PLCL2: variants seen among roughly 807,000 people sequenced by gnomAD.
PLCL2 encodes the protein inactive phospholipase C-like protein 2.
In PLCL2, 4 loss-of-function variants were observed where a neutral mutation model predicts 79.6. That is an observed-to-expected ratio of 0.05 (90% CI 0.02 to 0.11). The LOEUF is 0.11. PLCL2 is among the 10% of genes least tolerant of loss of function. The pLI is 1.00. For missense variants in PLCL2, 895 were observed against 1,291.0 expected, an observed-to-expected ratio of 0.69 and a Z score of 4.70; for synonymous variants, 484 against 457.7, an observed-to-expected ratio of 1.06 and a Z score of -0.73.
chr3:17,028,471 CTTTTTTTTTTCT>C (rs2064542601), intron 3 of PLCL2, among the ~76,000 whole-genome samples: 1 of 144,994 alleles, frequency 6.9e-6, no homozygotes, highest in Non-Finnish European at 1.5e-5. Flanking sequence ...TAGCTTGATC[CTTTTTTTTTTCT>C]TTTTTTTTTT....
At chr3:16,964,599 T>A (rs903734335) in intron 1 of PLCL2, among the ~76,000 whole-genome samples, 2 of 152,294 alleles carry the variant, frequency 1.3e-5, no homozygotes, top group Admixed American at 6.5e-5. Flanking sequence ...CCCCACACTG[T>A]CTTCCACAAT....
chr3:16,981,627 G>T (rs1412225912), intron 1 of PLCL2, among the ~76,000 whole-genome samples: 1 of 152,212 alleles, frequency 6.6e-6, no homozygotes, highest in Non-Finnish European at 1.5e-5. Flanking sequence ...AACTGTATTT[G>T]AAGATTAATT....
intron 1 of PLCL2, among the ~76,000 whole-genome samples, chr3:17,003,740 A>T (rs2064232518): frequency 1.3e-5 from 2 of 152,150 alleles, no homozygotes; most frequent in African/African-American, 4.8e-5. Context: ...TCTACTGGTC[A>T]TAGCAGAGCT....
intron 5 of PLCL2, among the ~76,000 whole-genome samples, chr3:17,089,498 T>C (rs2065252829): frequency 1.3e-5 from 2 of 152,150 alleles, no homozygotes; most frequent in South Asian, 4.1e-4. Context: ...CCCATGCAGA[T>C]CTATAAATAG....
chr3:17,025,640 C>G (rs2064510142), intron 3 of PLCL2, among the ~76,000 whole-genome samples: 1 of 152,156 alleles, frequency 6.6e-6, no homozygotes, highest in Admixed American at 6.5e-5. Context: ...CACCTTCTGG[C>G]AGTAAGGTGT....
chr3:16,897,833 A>G (rs1285659385), intron 1 of PLCL2, among the ~76,000 whole-genome samples: 1 of 152,248 alleles, frequency 6.6e-6, no homozygotes. Context: ...CTCCTGAGGC[A>G]TCTATAAAAC....
intron 1 of PLCL2, among the ~76,000 whole-genome samples, chr3:16,968,028 C>T (rs929047853): frequency 2.6e-5 from 4 of 151,962 alleles, no homozygotes; most frequent in Non-Finnish European, 4.4e-5. Context: ...GAGTCCTTTC[C>T]CTATTGCTTG....
intron 4 of PLCL2, 72 bp downstream of exon 4, chr3:17,043,021 AT>A: frequency 2.1e-6 from 2 of 941,990 alleles, no homozygotes; most frequent in Non-Finnish European, 3.5e-6. Flanking sequence ...AAACTATTTC[AT>A]TTTTTGGATG....
chr3:16,897,741 G>T (rs1286033119), intron 1 of PLCL2, among the ~76,000 whole-genome samples: 3 of 152,206 alleles, frequency 2.0e-5, no homozygotes, highest in Non-Finnish European at 4.4e-5. Context: ...CATGACCTTT[G>T]CGTGAATGTG....
chr3:16,888,629 A>T lies in PLCL2; in HGVS notation c.327+3263A>T, dbSNP rs967561963. 2.0e-5 allele frequency among the ~76,000 whole-genome samples: 3 copies of T among 152,220 alleles called. No individual in the cohort carries two copies. In the East Asian group the frequency reaches 5.8e-4, roughly 29 times the overall value. Reference sequence around the variant, plus strand: ...TTTCCATAATTCATTTCATCACTCTATTCAATATAATCTATGCTTTATTTT... The same window carrying T: ...TTTCCATAATTCATTTCATCACTCTTTTCAATATAATCTATGCTTTATTTT... On this transcript the variant is annotated intron_variant, in intron 1 of 5. Transcript: ENST00000615277.
chr3:17,077,626 CTG>C (rs1351116803), intron 5 of PLCL2, among the ~76,000 whole-genome samples: 6 of 152,182 alleles, frequency 3.9e-5, no homozygotes, highest in African/African-American at 1.4e-4. Flanking sequence ...GTAATTTTCA[CTG>C]TGTCAATTGA....
chr3:17,023,020 A>G (rs927797990), intron 3 of PLCL2, among the ~76,000 whole-genome samples: 2 of 152,016 alleles, frequency 1.3e-5, no homozygotes, highest in African/African-American at 4.8e-5. Flanking sequence ...TTGCTTGGAG[A>G]GGGTGTGGTT....
chr3:17,011,836 A>T lies in PLCL2; in HGVS notation c.2490A>T (p.Val830=). 6.2e-7 allele frequency: 1 copy of T among 1,614,238 alleles called. No individual in the cohort carries two copies. The highest frequency in any genetic ancestry group is 8.5e-7 in the Non-Finnish European group (1 of 1,180,028). ...CTGAACTGGCCATGGTGCGCTTTGT[A>T]GTGCTGGATGATGACTACATTGGGG... The part of the protein sequence containing the change: ...NLPELAMVRF[V]VLDDDYIGDE... Residue 830 remains valine, a synonymous_variant, in exon 2 of 6, where the codon GTA becomes GTT. Coordinates refer to ENST00000615277, the MANE Select transcript of PLCL2 (RefSeq NM_001144382.2). The surrounding 1 kb of genome is among the most constrained non-coding windows in gnomAD (Gnocchi z 7.9).
At chr3:17,088,423 A>G (rs999253036) in intron 5 of PLCL2, among the ~76,000 whole-genome samples, 9 of 152,174 alleles carry the variant, frequency 5.9e-5, no homozygotes, top group Admixed American at 3.3e-4. Context: ...TTGAGAACCC[A>G]AGGGGATGGG....
Position 17,009,463 on chromosome 3 carries a change from A to G in PLCL2, c.328-211A>G, listed in dbSNP as rs2064297154. Among the ~76,000 whole-genome samples the G allele has an allele frequency of 6.6e-6, 1 of 152,082 alleles. No homozygotes were observed. Among genetic ancestry groups the G allele is most frequent in the African/African-American group, 2.4e-5 (1 of 41,440 alleles). On this transcript the variant is annotated intron_variant, in intron 1 of 5. Transcript: ENST00000615277. The surrounding 1 kb of genome is among the most constrained non-coding windows in gnomAD (Gnocchi z 4.0). Reference sequence around the variant, plus strand: ...GATAAATATGAATTGCAATTATTCAATAATGATTTCATACCTGTTGGTATT... The same window carrying G: ...GATAAATATGAATTGCAATTATTCAGTAATGATTTCATACCTGTTGGTATT...
rs1174949169 is a variant in PLCL2 at position 17,009,648 on chromosome 3, A to G, written c.328-26A>G. On this transcript the variant is annotated intron_variant, in intron 1 of 5. Coordinates refer to ENST00000615277, the MANE Select transcript of PLCL2 (RefSeq NM_001144382.2). This position sits in a 1 kb window ranked among gnomAD's most constrained non-coding sequence, Gnocchi z 4.0. ...TAGAAACCTATATTTATGTTATTCTAATATACGGTCTTTTTTTCCTCTCAG... is the reference window on the plus strand; with the variant it reads ...TAGAAACCTATATTTATGTTATTCTGATATACGGTCTTTTTTTCCTCTCAG... 1.6e-6 allele frequency: 2 copies of G among 1,234,170 alleles called. No homozygotes were observed. Among genetic ancestry groups the G allele is most frequent in the African/African-American group, 1.5e-5 (1 of 65,596 alleles). 76.5% of individuals were successfully genotyped at this position (1,234,170 alleles called of 1,614,324 possible).
intron 1 of PLCL2, among the ~76,000 whole-genome samples, chr3:16,984,105 G>A (rs1268950576): frequency 3.3e-5 from 5 of 151,568 alleles, no homozygotes; most frequent in East Asian, 3.8e-4. Context: ...TCATGAACGC[G>A]TGGAGGGTAT....
intron 1 of PLCL2, among the ~76,000 whole-genome samples, chr3:16,890,971 C>T (rs1221177775): frequency 6.6e-6 from 1 of 152,220 alleles, no homozygotes; most frequent in East Asian, 1.9e-4. Flanking sequence ...CCACCCATTC[C>T]AGAATGGCAA....
chr3:17,087,504 G>A (rs1317686052), intron 5 of PLCL2, among the ~76,000 whole-genome samples: 1 of 152,200 alleles, frequency 6.6e-6, no homozygotes, highest in Non-Finnish European at 1.5e-5. Flanking sequence ...GGTTGGGAGT[G>A]GGGAAGGATG....
Sources: allele counts gnomAD v4.1 joint callset (sites outside exome capture counted in the v4.1 genomes callset), GRCh38; gene constraint gnomAD v4.1.1; non-coding constraint Gnocchi (gnomAD v3.1); transcripts MANE v1.5; gene names NCBI Gene and HGNC (gene_info 2026-07-23, HGNC 2026-07-21).